NUDCD2: variants seen among roughly 807,000 people sequenced by gnomAD.
NUDCD2 encodes the protein nudC domain-containing protein 2.
In NUDCD2, 16 loss-of-function variants were observed where a neutral mutation model predicts 20.8. The observed-to-expected ratio is 0.77, with a 90% CI of 0.52 to 1.17. The LOEUF (loss-of-function observed/expected upper bound fraction) is 1.17, where lower values mean the gene tolerates loss of function less well. Among genes scored for constraint, NUDCD2 ranks in the 50% most tolerant of loss-of-function variants. NUDCD2 has a pLI of 0.00. For missense variants in NUDCD2, 199 were observed against 193.9 expected, an observed-to-expected ratio of 1.03 and a Z score of -0.16; for synonymous variants, 87 against 72.8, an observed-to-expected ratio of 1.20 and a Z score of -1.00.
chr5:163,457,950 G>C (rs1347145028), intron 1 of NUDCD2, among the ~76,000 whole-genome samples: 1 of 148,426 alleles, frequency 6.7e-6, no homozygotes, highest in Non-Finnish European at 1.5e-5. Context: ...CACAAGAAGG[G>C]ATCTCCTGCT....
At chr5:163,458,607 T>A (rs1239161029) in intron 1 of NUDCD2, among the ~76,000 whole-genome samples, 3 of 151,904 alleles carry the variant, frequency 2.0e-5, no homozygotes, top group Admixed American at 6.6e-5. Flanking sequence ...TATTTTTTTT[T>A]AAAGAGAGAA....
In NUDCD2 at chr5:163,448,749, A is replaced by G. The variant is rs1171605601; in HGVS notation, c.*5218T>C. On this transcript the variant is annotated 3_prime_UTR_variant, in exon 4 of 4. Transcript: ENST00000302764. ...ATCCTCAAAAAATAAAAATCTAGAT[A>G]CATAAGCTGAATAATGTACCATGAC... The G allele has an allele frequency of 6.6e-6, 1 of 152,228 alleles. No homozygotes were observed. Among genetic ancestry groups the G allele is most frequent in the Admixed American group, 6.5e-5 (1 of 15,282 alleles). The allele number at this position is 152,228 out of a possible 1,614,324, so 9.4% of individuals were successfully genotyped here. A position where few individuals can be genotyped will look rare whatever the true frequency, so the allele number is the denominator to read the frequency against.
intron 3 of NUDCD2, among the ~76,000 whole-genome samples, chr5:163,454,330 TTTTTA>T (rs1293203160): frequency 3.9e-5 from 6 of 152,126 alleles, no homozygotes; most frequent in African/African-American, 1.4e-4. Flanking sequence ...ATAGCTAGCA[TTTTTA>T]TTTTATTTAT....
chr5:163,460,060 C>G lies in NUDCD2; in HGVS notation c.-10G>C. ...CAAACGGGGCCGACATAATCCAGTCCCTCCCGGCCGCGGCCGCACCAGGCG... is the reference window on the plus strand; with the variant it reads ...CAAACGGGGCCGACATAATCCAGTCGCTCCCGGCCGCGGCCGCACCAGGCG... On this transcript the variant is annotated 5_prime_UTR_variant, in exon 1 of 4. Coordinates refer to ENST00000302764, the MANE Select transcript of NUDCD2 (RefSeq NM_145266.6). 1.3e-6 allele frequency: 2 copies of G among 1,545,990 alleles called. No homozygotes were observed. Among genetic ancestry groups the G allele is most frequent in the Non-Finnish European group, 1.7e-6 (2 of 1,147,532 alleles).
At position 163,449,965 on chromosome 5, in the gene NUDCD2, A is replaced by C. The variant is rs1758137731; in HGVS notation, c.*4002T>G. 1 of 152,196 alleles carries C rather than the reference A, an allele frequency of 6.6e-6. No homozygotes were observed. Among genetic ancestry groups the C allele is most frequent in the Non-Finnish European group, 1.5e-5 (1 of 68,036 alleles). The allele number at this position is 152,196 out of a possible 1,614,324, so 9.4% of individuals were successfully genotyped here. A position where few individuals can be genotyped will look rare whatever the true frequency, so the allele number is the denominator to read the frequency against. On this transcript the variant is annotated 3_prime_UTR_variant, in exon 4 of 4. Coordinates refer to ENST00000302764, the MANE Select transcript of NUDCD2 (RefSeq NM_145266.6). ...ATTTATAAAATTTTTAGAAGAAAAA[A>C]ATCCATAGGCCGGGCACGGTGGCTC...
Position 163,459,931 on chromosome 5 carries a change from G to A in NUDCD2, c.120C>T (p.Ala40=). ...TCTGGAGGCCGCACTGGATATCCTG[G>A]GCGCGCGTGCCTGGCGGCACCTGAA... ...IEVQVPPGTR[A]QDIQCGLQSR... Residue 40 remains alanine (A), a synonymous_variant, in exon 1 of 4, where the codon GCC becomes GCT. Coordinates refer to ENST00000302764, the MANE Select transcript of NUDCD2 (RefSeq NM_145266.6). 1 of 1,613,076 alleles carries A rather than the reference G, an allele frequency of 6.2e-7. No individual in the cohort carries two copies. The highest frequency in any genetic ancestry group is 1.1e-5 in the South Asian group (1 of 91,052).
chr5:163,456,632 A>G (rs1037536843), intron 3 of NUDCD2, among the ~76,000 whole-genome samples: 1 of 152,176 alleles, frequency 6.6e-6, no homozygotes. Flanking sequence ...CACTTTTTAC[A>G]CTAGGTAAGT....
chr5:163,456,867 ATATT>A (rs1427608345), intron 3 of NUDCD2, 58 bp downstream of exon 3: 49 of 1,131,316 alleles, frequency 4.3e-5, no homozygotes, highest in Non-Finnish European at 5.7e-5. Context: ...TTAATTTCAA[ATATT>A]TATTTGATGA....
chr5:163,456,861 T>A (rs966652700), intron 3 of NUDCD2, 68 bp downstream of exon 3: 2 of 1,079,870 alleles, frequency 1.9e-6, no homozygotes, highest in African/African-American at 1.6e-5. Flanking sequence ...TGAGTTTTAA[T>A]TTCAAATATT....
At position 163,457,091 on chromosome 5, in the gene NUDCD2, A is replaced by ACAC. The variant is rs749002124; in HGVS notation, c.239-12_239-11insGTG. 20 of 1,491,378 alleles carry ACAC rather than the reference A, an allele frequency of 1.3e-5. No homozygotes were observed. The highest frequency in any genetic ancestry group is 1.8e-5 in the Non-Finnish European group (20 of 1,099,388). The allele number at this position is 1,491,378 out of a possible 1,614,324, so 92.4% of individuals were successfully genotyped here. ...CCATTTTTCTGTCCTCTAAAAAAAA[A>ACAC]ACACACACACACACACGCACAAATA... On this transcript the variant is annotated splice_polypyrimidine_tract_variant and intron_variant, in intron 2 of 3. Coordinates refer to ENST00000302764, the MANE Select transcript of NUDCD2 (RefSeq NM_145266.6).
At chr5:163,459,804 A>G (rs1301190187) in intron 1 of NUDCD2, 58 bp downstream of exon 1, 2 of 1,471,384 alleles carry the variant, frequency 1.4e-6, no homozygotes, top group African/African-American at 1.4e-5. Flanking sequence ...GTTCAGGGAA[A>G]CGGGGCTGGG....
Position 163,460,086 on chromosome 5 carries a change from G to C in NUDCD2, c.-36C>G, listed in dbSNP as rs201312319. Reference sequence around the variant, plus strand: ...CTCCCGGCCGCGGCCGCACCAGGCGGAGCCGAGCGCACGCGCGGAATCCCA... The same window carrying C: ...CTCCCGGCCGCGGCCGCACCAGGCGCAGCCGAGCGCACGCGCGGAATCCCA... On this transcript the variant is annotated 5_prime_UTR_variant, in exon 1 of 4. Transcript: ENST00000302764. 5.7e-4 allele frequency: 860 copies of C among 1,506,574 alleles called. No homozygotes were observed. Among genetic ancestry groups the C allele is most frequent in the Non-Finnish European group, 7.1e-4 (803 of 1,128,442 alleles). 93.3% of individuals were successfully genotyped at this position (1,506,574 alleles called of 1,614,324 possible).
In NUDCD2 at chr5:163,457,986, T is replaced by TC. The variant is rs1211565948; in HGVS notation, c.190-377_190-376insG. On this transcript the variant is annotated intron_variant, in intron 1 of 3. Coordinates refer to ENST00000302764, the MANE Select transcript of NUDCD2 (RefSeq NM_145266.6). ...AAAACTAAAAAATGTTGTCTTTTTT[T>TC]TTTTTTTTTTTTTTTTTTTTGAGAC... Among the ~76,000 whole-genome samples the TC allele has an allele frequency of 3.5e-3, 315 of 88,790 alleles. 4 individuals carry two copies. Among genetic ancestry groups the TC allele is most frequent in the African/African-American group, 9.5e-3 (263 of 27,622 alleles). 58.2% of individuals were successfully genotyped at this position (88,790 alleles called of 152,430 possible). A position where few individuals can be genotyped will look rare whatever the true frequency, so the allele number is the denominator to read the frequency against.
chr5:163,460,066 G>T lies in NUDCD2; in HGVS notation c.-16C>A. ...GGGCCGACATAATCCAGTCCCTCCC[G>T]GCCGCGGCCGCACCAGGCGGAGCCG... On this transcript the variant is annotated 5_prime_UTR_variant, in exon 1 of 4. Coordinates refer to ENST00000302764, the MANE Select transcript of NUDCD2 (RefSeq NM_145266.6). 1 of 1,531,610 alleles carries T rather than the reference G, an allele frequency of 6.5e-7. No individual in the cohort carries two copies. The highest frequency in any genetic ancestry group is 8.8e-7 in the Non-Finnish European group (1 of 1,140,444). The allele number at this position is 1,531,610 out of a possible 1,614,324, so 94.9% of individuals were successfully genotyped here. A position where few individuals can be genotyped will look rare whatever the true frequency, so the allele number is the denominator to read the frequency against.
Position 163,459,845 on chromosome 5 carries a change from C to G in NUDCD2, c.189+17G>C. On this transcript the variant is annotated intron_variant, in intron 1 of 3. Coordinates refer to ENST00000302764, the MANE Select transcript of NUDCD2 (RefSeq NM_145266.6). ...CTGGGAAGAGGAAACTGAACACAAG[C>G]CCCGAGCTGCCGCTACCTTGAGGAT... 6.3e-7 allele frequency: 1 copy of G among 1,583,680 alleles called. No individual in the cohort carries two copies. Among genetic ancestry groups the G allele is most frequent in the Non-Finnish European group, 8.6e-7 (1 of 1,165,952 alleles).
In NUDCD2 at chr5:163,451,273, G is replaced by C. The variant is rs1758168635; in HGVS notation, c.*2694C>G. 1 of 152,158 alleles carries C rather than the reference G, an allele frequency of 6.6e-6. No individual in the cohort carries two copies. The highest frequency in any genetic ancestry group is 1.5e-5 in the Non-Finnish European group (1 of 68,030). 9.4% of individuals were successfully genotyped at this position (152,158 alleles called of 1,614,324 possible). A position where few individuals can be genotyped will look rare whatever the true frequency, so the allele number is the denominator to read the frequency against. On this transcript the variant is annotated 3_prime_UTR_variant, in exon 4 of 4. Transcript: ENST00000302764. ...CACACCTTAAATGGGTGAAATGTAT[G>C]TTGTTACAATAAAGCGTTTTTCTTA...
In NUDCD2 at chr5:163,454,621, G is replaced by A. The variant is rs375647611; in HGVS notation, c.391-571C>T. Among the ~76,000 whole-genome samples the A allele has an allele frequency of 9.2e-5, 14 of 152,330 alleles. No homozygotes were observed. The South Asian group carries it at 1.4e-3, about 16-fold the overall frequency. On this transcript the variant is annotated intron_variant, in intron 3 of 3. Transcript: ENST00000302764. Reference sequence around the variant, plus strand: ...CTCCCAAAGTGCTGGGATTACAGGCGTGAGCCATGGCGCCCAGCCTATAGC... The same window carrying A: ...CTCCCAAAGTGCTGGGATTACAGGCATGAGCCATGGCGCCCAGCCTATAGC...
At chr5:163,458,892 CATA>C (rs1427759616) in intron 1 of NUDCD2, 4 of 152,306 alleles carry the variant, frequency 2.6e-5, no homozygotes, top group African/African-American at 7.2e-5. Flanking sequence ...TCCAAGCTGA[CATA>C]ATGTCTTTCA....
chr5:163,455,548 G>A (rs547409288), intron 3 of NUDCD2, among the ~76,000 whole-genome samples: 2 of 152,302 alleles, frequency 1.3e-5, no homozygotes, highest in East Asian at 3.9e-4. Flanking sequence ...CGGATCACGA[G>A]GTCAAGAGAT....
Sources: allele counts gnomAD v4.1 joint callset (sites outside exome capture counted in the v4.1 genomes callset), GRCh38; gene constraint gnomAD v4.1.1; transcripts MANE v1.5; gene names NCBI Gene and HGNC (gene_info 2026-07-23, HGNC 2026-07-21).